PCCA: variants seen among roughly 807,000 people sequenced by gnomAD.
PCCA encodes propionyl-CoA carboxylase subunit alpha, also known as propionyl-CoA carboxylase alpha chain, mitochondrial.
Under a neutral mutation model 101.3 loss-of-function variants are expected in PCCA, and 74 were observed. The ratio of observed to expected loss-of-function variants is 0.73; its 90% confidence interval spans 0.61 to 0.89. PCCA has a LOEUF of 0.89. Ranked by LOEUF, PCCA falls within the 40% of genes least tolerant of loss-of-function variation. The probability of loss-of-function intolerance (pLI) is 0.00; values close to 1 mark genes in which losing one functional copy is unlikely to be tolerated. For synonymous variants in PCCA, 294 were observed against 313.6 expected, an observed-to-expected ratio of 0.94 and a Z score of 0.66; for missense variants, 891 against 907.0, an observed-to-expected ratio of 0.98 and a Z score of 0.23.
intron 12 of PCCA, among the ~76,000 whole-genome samples, chr13:100,277,128 A>G (rs865857297): frequency 7.9e-5 from 12 of 152,146 alleles, no homozygotes; most frequent in African/African-American, 2.9e-4. Context: ...GAGGGGATAC[A>G]CAGCCCGGTT....
At position 100,413,940 on chromosome 13, in the gene PCCA, T is replaced by C. The variant is rs186829079; in HGVS notation, c.1747-11693T>C. On this transcript the variant is annotated intron_variant, in intron 19 of 23. Transcript: ENST00000376285. ...ATCACACCAATCCAAAAGAAACTAC[T>C]ACTATAATTAAACTGTGGGCAAAAT... Among the ~76,000 whole-genome samples, 453 of 152,286 alleles carry C rather than the reference T, an allele frequency of 3.0e-3. 1 individual carries two copies. The highest frequency in any genetic ancestry group is 0.01 in the African/African-American group (416 of 41,564).
chr13:100,207,579 A>G (rs950994489), intron 6 of PCCA, among the ~76,000 whole-genome samples: 3 of 151,632 alleles, frequency 2.0e-5, no homozygotes, highest in Non-Finnish European at 4.4e-5. Flanking sequence ...ACGGGCTTTC[A>G]CTGTGTTGGT....
In PCCA at chr13:100,207,169, C is replaced by A. The variant is rs565014888; in HGVS notation, c.469-2163C>A. ...GTAGAAGGAAAATAATAGTTTTCCT[C>A]CTGTACATTATTTTATTTAATTCTT... On this transcript the variant is annotated intron_variant, in intron 6 of 23. Transcript: ENST00000376285. Among the ~76,000 whole-genome samples the A allele has an allele frequency of 3.9e-5, 6 of 152,192 alleles. No individual in the cohort carries two copies. In the East Asian group the frequency reaches 1.2e-3, roughly 29 times the overall value.
intron 21 of PCCA, among the ~76,000 whole-genome samples, chr13:100,467,127 G>A (rs1192410303): frequency 6.6e-6 from 1 of 152,150 alleles, no homozygotes; most frequent in Non-Finnish European, 1.5e-5. Flanking sequence ...GCTCAGAGTG[G>A]TTTATATCAG....
chr13:100,401,403 C>G (rs756867499), intron 19 of PCCA, among the ~76,000 whole-genome samples: 1 of 152,002 alleles, frequency 6.6e-6, no homozygotes, highest in Non-Finnish European at 1.5e-5. Context: ...ACCACCATGC[C>G]TGGCTAATTT....
chr13:100,134,186 C>T (rs55993373), intron 4 of PCCA, among the ~76,000 whole-genome samples: 2,735 of 152,244 alleles, frequency 0.018, 26 homozygotes, highest in South Asian at 0.029. Context: ...CTGACTAATA[C>T]AATTACTTTT....
intron 17 of PCCA, among the ~76,000 whole-genome samples, chr13:100,332,225 A>C (rs2069728069): frequency 6.6e-6 from 1 of 152,188 alleles, no homozygotes; most frequent in Non-Finnish European, 1.5e-5. Context: ...GGCGTGAGCT[A>C]CCGTACCTGG....
chr13:100,477,918 T>C (rs2083541531), intron 21 of PCCA, among the ~76,000 whole-genome samples: 1 of 152,220 alleles, frequency 6.6e-6, no homozygotes, highest in African/African-American at 2.4e-5. Context: ...GAGGAACAGC[T>C]GGCCACCTGC....
At chr13:100,287,436 C>CT (rs2064763688) in intron 12 of PCCA, among the ~76,000 whole-genome samples, 1 of 151,904 alleles carries the variant, frequency 6.6e-6, no homozygotes, top group Non-Finnish European at 1.5e-5. Flanking sequence ...AAAATATGTT[C>CT]TTTTTTTCCC....
chr13:100,441,915 T>A (rs1240385668), intron 20 of PCCA, among the ~76,000 whole-genome samples: 1 of 152,150 alleles, frequency 6.6e-6, no homozygotes, highest in Admixed American at 6.6e-5. Context: ...TAGGGAAGAT[T>A]GAAATAAATT....
At chr13:100,348,087 C>G (rs760243430) in intron 18 of PCCA, among the ~76,000 whole-genome samples, 2 of 152,136 alleles carry the variant, frequency 1.3e-5, no homozygotes, top group Non-Finnish European at 2.9e-5. Context: ...TTTTCACAAT[C>G]GGCTTGGGAA....
At chr13:100,409,460 A>C (rs1317989208) in intron 19 of PCCA, among the ~76,000 whole-genome samples, 4 of 152,168 alleles carry the variant, frequency 2.6e-5, no homozygotes, top group African/African-American at 7.2e-5. Flanking sequence ...ACAGGGACTC[A>C]GCGAGGCCAG....
At chr13:100,218,404 A>T (rs771485429) in intron 7 of PCCA, among the ~76,000 whole-genome samples, 4 of 149,726 alleles carry the variant, frequency 2.7e-5, no homozygotes, top group Admixed American at 6.6e-5. Flanking sequence ...CTGGTCTTGA[A>T]CTCCTGACCT....
chr13:100,325,368 T>C (rs1460927823), intron 16 of PCCA, among the ~76,000 whole-genome samples: 3 of 151,990 alleles, frequency 2.0e-5, no homozygotes, highest in Non-Finnish European at 4.4e-5. Flanking sequence ...CAAGGATGGT[T>C]TGATAATTTT....
chr13:100,225,052 A>C (rs1050788830), intron 7 of PCCA, among the ~76,000 whole-genome samples: 1 of 152,242 alleles, frequency 6.6e-6, no homozygotes, highest in Non-Finnish European at 1.5e-5. Context: ...TTGTGGCATT[A>C]GAAAACTCAT....
chr13:100,502,635 T>C (rs889536308), intron 21 of PCCA, among the ~76,000 whole-genome samples: 12 of 152,208 alleles, frequency 7.9e-5, no homozygotes, highest in Non-Finnish European at 1.5e-4. Context: ...GCAGTTACTT[T>C]TGGCATTTCT....
chr13:100,148,060 G>T (rs2052796776), intron 4 of PCCA, among the ~76,000 whole-genome samples: 1 of 152,074 alleles, frequency 6.6e-6, no homozygotes. Context: ...GGGGACTACA[G>T]GAACTGGGCC....
At chr13:100,408,032 AT>A (rs1446852256) in intron 19 of PCCA, among the ~76,000 whole-genome samples, 1 of 152,154 alleles carries the variant, frequency 6.6e-6, no homozygotes, top group Admixed American at 6.5e-5. Context: ...GGCGCCTGTT[AT>A]CCCAGCTACT....
intron 21 of PCCA, among the ~76,000 whole-genome samples, chr13:100,469,220 A>AAAAAAAAAAAAAAAAAAAAAAAAC: frequency 6.7e-6 from 1 of 150,302 alleles, no homozygotes; most frequent in South Asian, 2.1e-4. Flanking sequence ...TCAAAAAAAA[A>AAAAAAAAAAAAAAAAAAAAAAAAC]AAAAAAAGAA....
Sources: allele counts gnomAD v4.1 joint callset (sites outside exome capture counted in the v4.1 genomes callset), GRCh38; gene constraint gnomAD v4.1.1; transcripts MANE v1.5; gene names NCBI Gene and HGNC (gene_info 2026-07-23, HGNC 2026-07-21).